Variants in CSNK1G1 observed in about 807,000 individuals in gnomAD.
CSNK1G1 encodes casein kinase 1 gamma 1.
A neutral mutation model predicts 59.6 loss-of-function variants in CSNK1G1; 22 were observed. The observed-to-expected ratio is 0.37, with a 90% CI of 0.26 to 0.53. The LOEUF is 0.53. Among genes scored for constraint, CSNK1G1 ranks in the 20% least tolerant of loss-of-function variants. The probability of loss-of-function intolerance (pLI) is 0.89; values close to 1 mark genes in which losing one functional copy is unlikely to be tolerated. For missense variants in CSNK1G1, 384 were observed against 519.5 expected, an observed-to-expected ratio of 0.74 and a Z score of 2.54; for synonymous variants, 179 against 177.1, an observed-to-expected ratio of 1.01 and a Z score of -0.08.
At chr15:64,278,319 T>C (rs1239518622) in intron 2 of CSNK1G1, among the ~76,000 whole-genome samples, 1 of 150,986 alleles carries the variant, frequency 6.6e-6, no homozygotes, top group Non-Finnish European at 1.5e-5. Context: ...AGTGCCGGGA[T>C]TGTAGGCGTG....
chr15:64,263,989 T>C (rs72756966), intron 2 of CSNK1G1, among the ~76,000 whole-genome samples: 6,745 of 152,268 alleles, frequency 0.044, 196 homozygotes, highest in South Asian at 0.085. Flanking sequence ...TTAATTCATC[T>C]TTTTATCCCT....
chr15:64,278,408 GTGTGTGTGTGTATATATATA>G lies in CSNK1G1; in HGVS notation c.182-19187_182-19168del, dbSNP rs1256654853. Among the ~76,000 whole-genome samples, 1,192 of 131,824 alleles carry G rather than the reference GTGTGTGTGTGTATATATATA, an allele frequency of 9.0e-3. 25 individuals are homozygous for G. Among genetic ancestry groups the G allele is most frequent in the African/African-American group, 0.036 (1,070 of 29,884 alleles). The allele number at this position is 131,824 out of a possible 152,430, so 86.5% of individuals were successfully genotyped here. On this transcript the variant is annotated intron_variant, in intron 2 of 11. Transcript: ENST00000303052. Reference sequence around the variant, plus strand: ...TGTGTGTGTGTGTGTGTGTGTGTGTGTGTGTGTGTGTATATATATATATATTTTTTTTTTTTTGGACACAG... The same window carrying G: ...TGTGTGTGTGTGTGTGTGTGTGTGTGTATATTTTTTTTTTTTTGGACACAG...
chr15:64,198,922 A>C (rs2082070790), intron 10 of CSNK1G1, among the ~76,000 whole-genome samples: 1 of 151,982 alleles, frequency 6.6e-6, no homozygotes, highest in African/African-American at 2.4e-5. Context: ...AAGGAATTCC[A>C]ATCTCTTAGC....
chr15:64,207,633 A>C, intron 6 of CSNK1G1, 39 bp from the exon 7 acceptor site: 1 of 1,524,678 alleles, frequency 6.6e-7, no homozygotes, highest in Non-Finnish European at 9.1e-7. Context: ...GTTTGCAGTT[A>C]TTAAAGCAGA....
chr15:64,271,450 A>AT (rs1489048639), intron 2 of CSNK1G1, among the ~76,000 whole-genome samples: 2 of 150,408 alleles, frequency 1.3e-5, no homozygotes, highest in East Asian at 1.9e-4. Context: ...CACCACACCT[A>AT]TTTTTTTCTG....
At chr15:64,265,835 C>CT in intron 2 of CSNK1G1, 1 of 456,514 alleles carries the variant, frequency 2.2e-6, no homozygotes, top group Non-Finnish European at 4.4e-6. Context: ...ACTGCCAGCA[C>CT]TTTAGCAGGA....
intron 1 of CSNK1G1, among the ~76,000 whole-genome samples, chr15:64,327,619 C>G (rs1305979181): frequency 6.6e-6 from 1 of 151,058 alleles, no homozygotes; most frequent in Non-Finnish European, 1.5e-5. Flanking sequence ...CAGAGCGCCT[C>G]TCCTCCTCCA....
At position 64,216,151 on chromosome 15, in the gene CSNK1G1, G is replaced by A. The variant is rs964426089; in HGVS notation, c.444+411C>T. Among the ~76,000 whole-genome samples the A allele has an allele frequency of 1.3e-5, 2 of 152,024 alleles. No individual in the cohort carries two copies. The highest frequency in any genetic ancestry group is 2.1e-4 in the South Asian group (1 of 4,820). On this transcript the variant is annotated intron_variant, in intron 5 of 11. Coordinates refer to ENST00000303052, the MANE Select transcript of CSNK1G1 (RefSeq NM_022048.5). The surrounding 1 kb of genome is among the most constrained non-coding windows in gnomAD (Gnocchi z 4.6). ...GAGGCAGGAGAATCACTTGAGCCTA[G>A]GAGTTTGAGGTTGCACTGAGCTATG...
At chr15:64,265,870 G>A in intron 2 of CSNK1G1, 1 of 454,916 alleles carries the variant, frequency 2.2e-6, no homozygotes, top group Non-Finnish European at 4.4e-6. Flanking sequence ...GATCATTTCA[G>A]GCCAGGAGTT....
intron 3 of CSNK1G1, among the ~76,000 whole-genome samples, chr15:64,251,955 T>C (rs979597922): frequency 6.6e-6 from 1 of 152,190 alleles, no homozygotes; most frequent in African/African-American, 2.4e-5. Context: ...GGGTGGTTCA[T>C]GGTTTTATTA....
intron 1 of CSNK1G1, among the ~76,000 whole-genome samples, chr15:64,349,592 C>G (rs577240907): frequency 1.3e-5 from 2 of 152,312 alleles, no homozygotes; most frequent in Admixed American, 6.5e-5. Flanking sequence ...AACATTCCTG[C>G]TGCAGACAAA....
chr15:64,207,686 T>C, intron 6 of CSNK1G1, 92 bp from the exon 7 acceptor site: 1 of 908,580 alleles, frequency 1.1e-6, no homozygotes, highest in Non-Finnish European at 1.8e-6. Context: ...ACCCTTCGGC[T>C]CTGGAAAGGC....
chr15:64,194,488 T>G (rs1448750755), intron 10 of CSNK1G1, among the ~76,000 whole-genome samples: 1 of 151,568 alleles, frequency 6.6e-6, no homozygotes, highest in Non-Finnish European at 1.5e-5. Flanking sequence ...ACAATATATT[T>G]TTCTTTTTCT....
chr15:64,224,400 G>A (rs1035267565), intron 4 of CSNK1G1, among the ~76,000 whole-genome samples: 18 of 152,190 alleles, frequency 1.2e-4, no homozygotes, highest in African/African-American at 3.6e-4. Context: ...TAAATGAGAT[G>A]TTATTCCATT....
chr15:64,213,067 T>G (rs1490717847), intron 6 of CSNK1G1, among the ~76,000 whole-genome samples: 2 of 152,202 alleles, frequency 1.3e-5, no homozygotes, highest in Non-Finnish European at 2.9e-5. Context: ...TTTAAGAATA[T>G]TTTATAATTA....
At chr15:64,211,891 T>C (rs1351775159) in intron 6 of CSNK1G1, among the ~76,000 whole-genome samples, 1 of 152,230 alleles carries the variant, frequency 6.6e-6, no homozygotes, top group East Asian at 1.9e-4. Flanking sequence ...AGTACACAAA[T>C]GGCTGAGCCC....
At chr15:64,289,638 GAC>G (rs1894627698) in intron 2 of CSNK1G1, among the ~76,000 whole-genome samples, 1 of 152,130 alleles carries the variant, frequency 6.6e-6, no homozygotes, top group African/African-American at 2.4e-5. Flanking sequence ...AGAGTGAACA[GAC>G]AACCTGCTGA....
intron 2 of CSNK1G1, among the ~76,000 whole-genome samples, chr15:64,282,994 C>A (rs187149931): frequency 1.3e-5 from 2 of 152,062 alleles, no homozygotes; most frequent in African/African-American, 4.8e-5. Flanking sequence ...AAGAATGATA[C>A]AATGGACTTT....
At position 64,300,438 on chromosome 15, in the gene CSNK1G1, C is replaced by T. The variant is rs1403372179; in HGVS notation, c.62G>A (p.Arg21Lys). The T allele has an allele frequency of 6.2e-6, 10 of 1,614,046 alleles. No individual in the cohort carries two copies. Among genetic ancestry groups the T allele is most frequent in the Non-Finnish European group, 7.6e-6 (9 of 1,180,034 alleles). ...AGATGGTCGAGAGCAGTGTGCACTC[C>T]TTTGTGCCATGGGTTTAGTTGTCCG... The part of the protein sequence containing the change: ...RQRTTKPMAQ[R>K]SAHCSRPSGS... Residue 21 changes from arginine (R) to lysine (K), a missense_variant, in exon 2 of 12, where the codon AGG (arginine) becomes AAG (lysine). Physicochemically the swap from Arg to Lys is conservative, Grantham distance 26. Around this residue, in one of 3 missense-constraint regions of CSNK1G1, gnomAD observed 56 missense variants for 60.8 expected, o/e 0.92. Transcript: ENST00000303052.
Sources: gnomAD v4.1 joint callset for allele counts (sites outside exome capture counted in the v4.1 genomes callset) on GRCh38, gnomAD v4.1.1 for gene constraint, gnomAD v4.1.1 regional missense constraint, Gnocchi (gnomAD v3.1) non-coding constraint, MANE v1.5 for transcripts, NCBI Gene and HGNC (gene_info 2026-07-23, HGNC 2026-07-21) for gene names.